The following GRIP2 variants were observed in gnomAD, a reference collection of about 807,000 sequenced individuals.
GRIP2 encodes the protein glutamate receptor interacting protein 2.
Under a neutral mutation model 108.3 loss-of-function variants are expected in GRIP2, and 58 were observed. The observed-to-expected ratio is 0.54, with a 90% CI of 0.43 to 0.67. The LOEUF is 0.67. Among genes scored for constraint, GRIP2 ranks in the 30% least tolerant of loss-of-function variants. The probability of loss-of-function intolerance (pLI) is 0.00; values close to 1 mark genes in which losing one functional copy is unlikely to be tolerated. For synonymous variants in GRIP2, 586 were observed against 598.2 expected (o/e 0.98, Z 0.30); for missense variants, 1,278 against 1,430.6 (o/e 0.89, Z 1.72).
At chr3:14,549,459 A>C (rs1362876002) in intron 1 of GRIP2, among the ~76,000 whole-genome samples, 2 of 152,340 alleles carry the variant, frequency 1.3e-5, no homozygotes, top group Non-Finnish European at 2.9e-5. Flanking sequence ...ATGCGGCTTC[A>C]GTGGAGACCC....
intron 1 of GRIP2, among the ~76,000 whole-genome samples, chr3:14,549,521 C>T (rs1236055700): frequency 6.6e-6 from 1 of 152,232 alleles, no homozygotes; most frequent in African/African-American, 2.4e-5. Context: ...TCTGGGGCCA[C>T]TTCCTGGAGG....
At chr3:14,540,484 T>A, upstream of GRIP2, 1 of 1,457,268 alleles carries the variant, frequency 6.9e-7, no homozygotes. This position sits in a 1 kb window ranked among gnomAD's most constrained non-coding sequence, Gnocchi z 4.1. Flanking sequence ...ATGGCTATTG[T>A]CAAGGCTGGC....
At chr3:14,544,026 G>A (rs187621783), upstream of GRIP2, among the ~76,000 whole-genome samples, 23 of 152,324 alleles carry the variant, frequency 1.5e-4, no homozygotes, top group Middle Eastern at 3.4e-3. Context: ...TCAAACTAAC[G>A]CCGTCAAATA....
intron 1 of GRIP2, among the ~76,000 whole-genome samples, chr3:14,552,035 G>A (rs894967841): frequency 2.0e-5 from 3 of 152,094 alleles, no homozygotes; most frequent in African/African-American, 7.2e-5. Context: ...ATTCTAGGAC[G>A]AGAGTTTATC....
upstream of GRIP2, among the ~76,000 whole-genome samples, chr3:14,559,383 G>A (rs1695284635): frequency 6.6e-6 from 1 of 151,764 alleles, no homozygotes; most frequent in Admixed American, 6.6e-5. Context: ...GACCCTGGTG[G>A]GTCTGGTAAA....
intron 1 of GRIP2, among the ~76,000 whole-genome samples, chr3:14,530,378 T>C (rs745658264): frequency 3.3e-5 from 5 of 151,008 alleles, no homozygotes; most frequent in Non-Finnish European, 5.9e-5. Context: ...TCACCTGCAC[T>C]CATCCTACTT....
Position 14,521,890 on chromosome 3 carries a change from GA to G in GRIP2, c.567-104del, listed in dbSNP as rs1694421400. ...GGGACATGGAGGATGAAGAAGCAGG[GA>G]ATGGGTGGGGGAGGAAGGGGAGGAG... On this transcript the variant is annotated intron_variant, in intron 6 of 23. Coordinates refer to ENST00000621039, the MANE Select transcript of GRIP2 (RefSeq NM_001080423.4). The surrounding 1 kb of genome is among the most constrained non-coding windows in gnomAD (Gnocchi z 5.1). The G allele has an allele frequency of 1.1e-6, 1 of 904,338 alleles. No homozygotes were observed. Among genetic ancestry groups the G allele is most frequent in the African/African-American group, 1.7e-5 (1 of 58,224 alleles). The allele number at this position is 904,338 out of a possible 1,614,324, so 56.0% of individuals were successfully genotyped here.
intron 9 of GRIP2, among the ~76,000 whole-genome samples, 163 bp from the exon 10 acceptor site, chr3:14,518,060 C>A (rs1359667662): frequency 1.3e-5 from 2 of 152,228 alleles, no homozygotes; most frequent in African/African-American, 2.4e-5. Flanking sequence ...ATGTGCCGGG[C>A]ACTGTGTTCA....
chr3:14,569,116 C>T, the GRIP2 span, among the ~76,000 whole-genome samples: 4 of 152,360 alleles, frequency 2.6e-5, no homozygotes, highest in East Asian at 3.9e-4. Context: ...TCTGCCCAGA[C>T]GCCCCCGCCT....
At chr3:14,552,630 CTCTCT>C (rs1203860547) in intron 1 of GRIP2, among the ~76,000 whole-genome samples, 109 of 100,622 alleles carry the variant, frequency 1.1e-3, no homozygotes, top group South Asian at 3.1e-3. Context: ...CTCTCTCTCT[CTCTCT>C]TTTTTTTTTT....
intron 21 of GRIP2, among the ~76,000 whole-genome samples, chr3:14,499,341 G>A (rs950277904): frequency 6.6e-6 from 1 of 152,150 alleles, no homozygotes. Flanking sequence ...GTGCAGTGAT[G>A]AGATGAAAAA....
At chr3:14,524,673 G>A (rs1158980196) in intron 3 of GRIP2, 135 bp from the exon 4 acceptor site, 6 of 1,013,764 alleles carry the variant, frequency 5.9e-6, no homozygotes, top group Non-Finnish European at 8.6e-6. Context: ...GAGGCTTAGA[G>A]AGGTCAGACA....
Position 14,493,729 on chromosome 3 carries a change from G to A in GRIP2, c.3068C>T (p.Pro1023Leu), listed in dbSNP as rs771111616. 16 of 1,609,046 alleles carry A rather than the reference G, an allele frequency of 9.9e-6. No individual in the cohort carries two copies. Among genetic ancestry groups the A allele is most frequent in the Middle Eastern group, 1.7e-4 (1 of 6,008 alleles). Residue 1023 changes from proline to leucine, a missense_variant, in exon 24 of 24, where the codon CCG becomes CTG. Coordinates refer to ENST00000621039, the MANE Select transcript of GRIP2 (RefSeq NM_001080423.4). ...DVLELIISRK[P>L]HTAHSSRAPR... ...GGCCCGGCTGCTGTGTGCCGTGTGCGGCTTGCGGCTGATGATCAGCTCCAA... is the reference window on the plus strand; with the variant it reads ...GGCCCGGCTGCTGTGTGCCGTGTGCAGCTTGCGGCTGATGATCAGCTCCAA...
chr3:14,584,198 A>T, the GRIP2 span, among the ~76,000 whole-genome samples: 1 of 152,212 alleles, frequency 6.6e-6, no homozygotes, highest in African/African-American at 2.4e-5. Context: ...GAAAGGCTGG[A>T]CCAGGAGGTG....
upstream of GRIP2, among the ~76,000 whole-genome samples, chr3:14,544,297 G>T (rs1259923144): frequency 6.6e-6 from 1 of 152,192 alleles, no homozygotes; most frequent in Non-Finnish European, 1.5e-5. Context: ...TGGCACTAGA[G>T]TTGGGGCATT....
At chr3:14,529,055 G>C (rs1303798416) in intron 1 of GRIP2, among the ~76,000 whole-genome samples, 2 of 151,844 alleles carry the variant, frequency 1.3e-5, no homozygotes, top group Non-Finnish European at 2.9e-5. Context: ...CGGATCATGA[G>C]GTCAGGAGAT....
At chr3:14,538,092 AC>A (rs1694875740) in intron 1 of GRIP2, among the ~76,000 whole-genome samples, 3 of 151,760 alleles carry the variant, frequency 2.0e-5, no homozygotes, top group Admixed American at 6.6e-5. Flanking sequence ...CTGAGAAGGG[AC>A]CCACCCAGAG....
chr3:14,524,655 G>A, intron 3 of GRIP2, 117 bp from the exon 4 acceptor site: 3 of 1,164,908 alleles, frequency 2.6e-6, no homozygotes, highest in Non-Finnish European at 3.6e-6. Flanking sequence ...TTCACAAATG[G>A]GGAAGCTGAG....
At chr3:14,565,643 C>T in the GRIP2 span, among the ~76,000 whole-genome samples, 2 of 152,246 alleles carry the variant, frequency 1.3e-5, no homozygotes, top group Non-Finnish European at 1.5e-5. Context: ...AATTTACCCA[C>T]TCCGGGCCTT....
Sources: gnomAD v4.1 joint callset for allele counts (sites outside exome capture counted in the v4.1 genomes callset) on GRCh38, gnomAD v4.1.1 for gene constraint, Gnocchi (gnomAD v3.1) non-coding constraint, MANE v1.5 for transcripts, NCBI Gene and HGNC (gene_info 2026-07-23, HGNC 2026-07-21) for gene names.